Variants in STX6 observed in about 807,000 individuals in gnomAD.
The protein encoded by STX6 is syntaxin 6, also known as syntaxin-6.
Under a neutral mutation model 38.0 loss-of-function variants are expected in STX6, and 23 were observed. That is an observed-to-expected ratio of 0.60 (90% CI 0.43 to 0.86). STX6 has a LOEUF of 0.86. Ranked by LOEUF, STX6 falls within the 40% of genes least tolerant of loss-of-function variation. STX6 has a pLI of 0.00. For synonymous variants in STX6, 123 were observed against 107.5 expected (o/e 1.14, Z -0.89); for missense variants, 274 against 312.9 (o/e 0.88, Z 0.94).
chr1:180,993,461 T>C, intron 3 of STX6, 36 bp from the exon 4 acceptor site: 1 of 1,248,936 alleles, frequency 8.0e-7, no homozygotes. Context: ...AAATGAAAAA[T>C]ATCCTTAAAC....
chr1:180,990,170 G>C, intron 4 of STX6, 61 bp from the exon 5 acceptor site: 1 of 1,597,270 alleles, frequency 6.3e-7, no homozygotes, highest in Middle Eastern at 1.7e-4. Flanking sequence ...CTCTGAACAA[G>C]TGATGCATCA....
chr1:181,022,494 T>C (rs1203214610), intron 1 of STX6, 145 bp downstream of exon 1: 6 of 782,138 alleles, frequency 7.7e-6, no homozygotes, highest in East Asian at 5.5e-5. Context: ...CGCTTGGTCA[T>C]GGCCCTCAAG....
intron 1 of STX6, among the ~76,000 whole-genome samples, chr1:181,015,235 C>T (rs1656522874): frequency 6.6e-6 from 1 of 152,214 alleles, no homozygotes; most frequent in South Asian, 2.1e-4. Context: ...ACCACTCAGC[C>T]AGGCTTAATT....
At chr1:181,004,379 C>T (rs1000359444) in intron 2 of STX6, among the ~76,000 whole-genome samples, 44 of 152,344 alleles carry the variant, frequency 2.9e-4, no homozygotes, top group African/African-American at 9.1e-4. Context: ...CCAGAGAAAC[C>T]AACCATGTGA....
intron 7 of STX6, among the ~76,000 whole-genome samples, chr1:180,984,132 T>C (rs4652546): frequency 1.0e-5 from 1 of 96,612 alleles, no homozygotes; most frequent in African/African-American, 4.1e-5. Flanking sequence ...CCAAACACGG[T>C]GGGGGATCAC....
chr1:181,011,276 G>C (rs568768706), intron 1 of STX6, among the ~76,000 whole-genome samples: 1 of 152,226 alleles, frequency 6.6e-6, no homozygotes, highest in Non-Finnish European at 1.5e-5. Context: ...CTCAGATCTT[G>C]AAAGACAGCC....
chr1:180,982,507 A>C (rs1655445672), intron 7 of STX6, among the ~76,000 whole-genome samples: 1 of 152,254 alleles, frequency 6.6e-6, no homozygotes, highest in African/African-American at 2.4e-5. Context: ...AAAGTAGAAT[A>C]AAGCATAAGC....
rs192991712 is a variant in STX6, at chr1:180,990,338, T to C, written c.364-229A>G. Among the ~76,000 whole-genome samples, 146 of 152,288 alleles carry C rather than the reference T, an allele frequency of 9.6e-4. 2 individuals are homozygous for C. The highest frequency in any genetic ancestry group is 2.8e-3 in the African/African-American group (116 of 41,546). On this transcript the variant is annotated intron_variant, in intron 4 of 7. Transcript: ENST00000258301. ...CTCCCAATAGGCCTCACAATGGGCT[T>C]TGTCCCCTTAAAGTGCAAATAAACG...
rs969772399 is a variant in STX6, at chr1:181,020,163, C to T, written c.35+2476G>A. Among the ~76,000 whole-genome samples the T allele has an allele frequency of 9.2e-5, 14 of 151,860 alleles. No individual in the cohort carries two copies. The South Asian group carries it at 1.7e-3, about 18-fold the overall frequency. On this transcript the variant is annotated intron_variant, in intron 1 of 7. Transcript: ENST00000258301. The stretch of plus-strand genomic sequence containing the variant: ...CTGGGAGGCAGAGGTTGCAGTGAGC[C>T]GTGATTGCACCACTGCACTCCAGTC...
intron 3 of STX6, among the ~76,000 whole-genome samples, chr1:181,001,281 C>T (rs1571342417): frequency 1.3e-5 from 2 of 152,252 alleles, no homozygotes; most frequent in Non-Finnish European, 2.9e-5. Context: ...GGTATGATCC[C>T]AAGTCTTTTT....
intron 1 of STX6, among the ~76,000 whole-genome samples, chr1:181,008,715 C>G (rs1416161161): frequency 1.5e-5 from 2 of 133,388 alleles, no homozygotes. Context: ...TTGATATAAG[C>G]TTTCCAAAAT....
intron 1 of STX6, among the ~76,000 whole-genome samples, chr1:181,011,479 T>A (rs1656396161): frequency 6.6e-6 from 1 of 152,242 alleles, no homozygotes; most frequent in Admixed American, 6.5e-5. Flanking sequence ...ACCAGAATTT[T>A]CTAAAGCATG....
intron 3 of STX6, among the ~76,000 whole-genome samples, chr1:180,999,055 C>T (rs1655997200): frequency 6.6e-6 from 1 of 152,242 alleles, no homozygotes; most frequent in Non-Finnish European, 1.5e-5. Flanking sequence ...ACACTGGATA[C>T]TTCACCCTTT....
chr1:180,997,246 C>T (rs950106484), intron 3 of STX6, among the ~76,000 whole-genome samples: 43 of 152,296 alleles, frequency 2.8e-4, no homozygotes, highest in African/African-American at 1.0e-3. Flanking sequence ...TAAACATTAT[C>T]AGCAAATAAA....
intron 1 of STX6, among the ~76,000 whole-genome samples, chr1:181,007,844 A>T (rs1304689055): frequency 6.6e-6 from 1 of 152,246 alleles, no homozygotes; most frequent in Non-Finnish European, 1.5e-5. Flanking sequence ...GTGAGCTTAC[A>T]TGTTAACAAT....
chr1:181,003,489 T>C (rs978721740), intron 2 of STX6, among the ~76,000 whole-genome samples: 3 of 152,210 alleles, frequency 2.0e-5, no homozygotes, highest in Non-Finnish European at 4.4e-5. Context: ...AAGGGAAGAA[T>C]TATCTCCCTG....
chr1:181,018,388 C>CAAAAA (rs34962747), intron 1 of STX6, among the ~76,000 whole-genome samples: 147 of 42,910 alleles, frequency 3.4e-3, no homozygotes, highest in East Asian at 5.8e-3. Flanking sequence ...GACTCTGTCC[C>CAAAAA]AAAAAAAAAA....
At chr1:180,996,940 A>C (rs555987178) in intron 3 of STX6, among the ~76,000 whole-genome samples, 2 of 152,348 alleles carry the variant, frequency 1.3e-5, no homozygotes, top group South Asian at 4.1e-4. Context: ...ATGCTCACAA[A>C]GATGGTCACT....
chr1:181,022,558 C>A, intron 1 of STX6, 81 bp downstream of exon 1: 1 of 1,455,900 alleles, frequency 6.9e-7, no homozygotes, highest in Non-Finnish European at 9.4e-7. Context: ...CTCCCCTCCC[C>A]CCACTGCGAG....
Sources: gnomAD v4.1 joint callset for allele counts (sites outside exome capture counted in the v4.1 genomes callset) on GRCh38, gnomAD v4.1.1 for gene constraint, MANE v1.5 for transcripts, NCBI Gene and HGNC (gene_info 2026-07-23, HGNC 2026-07-21) for gene names.